Variants in CDH18 observed in about 807,000 individuals in gnomAD.
CDH18 encodes cadherin 18.
A neutral mutation model predicts 67.9 loss-of-function variants in CDH18; 31 were observed. The observed-to-expected ratio is 0.46, with a 90% CI of 0.34 to 0.62. The LOEUF (loss-of-function observed/expected upper bound fraction) is 0.62. CDH18 is among the 20% of genes least tolerant of loss of function. The pLI is 0.01. For synonymous variants in CDH18, 362 were observed against 347.2 expected, an observed-to-expected ratio of 1.04 and a Z score of -0.48; for missense variants, 890 against 975.5, an observed-to-expected ratio of 0.91 and a Z score of 1.17.
chr5:20,289,024 T>G (rs1561942338), intron 1 of CDH18, among the ~76,000 whole-genome samples: 1 of 152,026 alleles, frequency 6.6e-6, no homozygotes, highest in Non-Finnish European at 1.5e-5. Flanking sequence ...TTTGTCATGG[T>G]ACCTGGATCA....
intron 2 of CDH18, among the ~76,000 whole-genome samples, chr5:20,056,464 A>ATTTTTTTTTTTTTTTTTTTT (rs1561753965): frequency 4.5e-5 from 1 of 22,072 alleles, no homozygotes. Context: ...ATTTTTCTTT[A>ATTTTTTTTTTTTTTTTTTTT]TTTTCTTTCT....
chr5:19,932,251 C>T (rs939231602), intron 2 of CDH18, among the ~76,000 whole-genome samples: 1 of 151,766 alleles, frequency 6.6e-6, no homozygotes, highest in Admixed American at 6.6e-5. Flanking sequence ...CAAAGCTTTT[C>T]ACAGAAATGT....
In CDH18 at chr5:20,410,270, A is replaced by C. The variant is rs575362510; in HGVS notation, c.-579-154765T>G. Among the ~76,000 whole-genome samples the C allele has an allele frequency of 1.4e-4, 21 of 151,990 alleles. No homozygotes were observed. The East Asian group carries it at 3.9e-3, about 28-fold the overall frequency. On this transcript the variant is annotated intron_variant, in intron 1 of 14. Coordinates refer to the CDH18 transcript ENST00000507958. ...TAGCAAACTGAAACAATAGCACATT[A>C]AAATGTCTCCATACCATGATTAAAT...
chr5:19,768,890 CAT>C (rs1344995878), intron 3 of CDH18, among the ~76,000 whole-genome samples: 1 of 151,822 alleles, frequency 6.6e-6, no homozygotes, highest in Non-Finnish European at 1.5e-5. Flanking sequence ...ACACAACTAA[CAT>C]ATCTGAAAAA....
chr5:19,621,296 C>T (rs1299441532), intron 5 of CDH18, among the ~76,000 whole-genome samples: 1 of 145,240 alleles, frequency 6.9e-6, no homozygotes, highest in Admixed American at 7.0e-5. Flanking sequence ...GTGTTGAATT[C>T]CTATGCCGTT....
intron 2 of CDH18, among the ~76,000 whole-genome samples, chr5:19,893,473 AT>A (rs1459624433): frequency 6.6e-6 from 1 of 152,140 alleles, no homozygotes; most frequent in Non-Finnish European, 1.5e-5. Flanking sequence ...ACCAAATTGT[AT>A]TTTCAGGACC....
intron 1 of CDH18, among the ~76,000 whole-genome samples, chr5:20,382,316 TGAG>T (rs1343183458): frequency 3.3e-5 from 5 of 152,156 alleles, no homozygotes; most frequent in Non-Finnish European, 7.4e-5. Flanking sequence ...TTGGAAAAGA[TGAG>T]GAGATCATGG....
At chr5:20,242,387 G>A (rs191640852) in intron 2 of CDH18, among the ~76,000 whole-genome samples, 66 of 151,006 alleles carry the variant, frequency 4.4e-4, no homozygotes, top group Admixed American at 5.3e-4. Context: ...CCTTCAGCCC[G>A]CAGCCTCTGG....
At chr5:19,599,871 A>G (rs1746793128) in intron 6 of CDH18, among the ~76,000 whole-genome samples, 1 of 152,134 alleles carries the variant, frequency 6.6e-6, no homozygotes, top group Admixed American at 6.5e-5. Context: ...TGGGCGACAG[A>G]GCGAGACTGT....
At chr5:19,611,642 T>C (rs1289511110) in intron 6 of CDH18, among the ~76,000 whole-genome samples, 1 of 152,204 alleles carries the variant, frequency 6.6e-6, no homozygotes, top group Non-Finnish European at 1.5e-5. Context: ...TTATGACAGT[T>C]TTTAGACATC....
At chr5:19,578,960 G>T (rs1041961802) in intron 7 of CDH18, among the ~76,000 whole-genome samples, 11 of 151,804 alleles carry the variant, frequency 7.2e-5, no homozygotes, top group African/African-American at 2.7e-4. Flanking sequence ...TTAACTTTGA[G>T]TCCTTTAATG....
chr5:19,932,105 C>A (rs373446159), intron 2 of CDH18, among the ~76,000 whole-genome samples: 18 of 151,774 alleles, frequency 1.2e-4, no homozygotes, highest in African/African-American at 4.3e-4. Context: ...CACCACTTTC[C>A]AAACCAATGA....
At chr5:20,243,180 G>A (rs1743121147) in intron 2 of CDH18, among the ~76,000 whole-genome samples, 1 of 152,086 alleles carries the variant, frequency 6.6e-6, no homozygotes, top group East Asian at 1.9e-4. Flanking sequence ...AGAATTTGAA[G>A]CTGCCTGGAG....
intron 2 of CDH18, among the ~76,000 whole-genome samples, chr5:20,047,006 CA>C (rs1016874108): frequency 2.7e-5 from 4 of 150,126 alleles, no homozygotes; most frequent in African/African-American, 2.4e-5. Context: ...AAGTATAATA[CA>C]AAAAAAACAA....
chr5:19,708,196 C>T (rs1021262059), intron 5 of CDH18, among the ~76,000 whole-genome samples: 4 of 152,144 alleles, frequency 2.6e-5, no homozygotes, highest in Non-Finnish European at 5.9e-5. Flanking sequence ...ATTAAAAGAA[C>T]AAATATTTAA....
intron 1 of CDH18, among the ~76,000 whole-genome samples, chr5:20,354,290 T>A (rs186868234): frequency 9.2e-5 from 14 of 152,356 alleles, no homozygotes; most frequent in African/African-American, 3.4e-4. Flanking sequence ...GGAATCCTCC[T>A]TACTTGAAAC....
chr5:19,568,573 A>C (rs1740831617), intron 8 of CDH18, among the ~76,000 whole-genome samples: 2 of 152,114 alleles, frequency 1.3e-5, no homozygotes, highest in African/African-American at 4.8e-5. Context: ...CAAACTGACT[A>C]AAGGAGAAAA....
intron 1 of CDH18, among the ~76,000 whole-genome samples, chr5:20,287,124 A>G (rs992387686): frequency 1.3e-5 from 2 of 151,812 alleles, no homozygotes; most frequent in Non-Finnish European, 3.0e-5. Context: ...TTCTATGCCT[A>G]AGTGGATTGA....
intron 2 of CDH18, among the ~76,000 whole-genome samples, chr5:20,232,064 A>C (rs940786986): frequency 6.6e-6 from 1 of 152,152 alleles, no homozygotes; most frequent in Non-Finnish European, 1.5e-5. Flanking sequence ...CTTTAAGAGA[A>C]AAGAGCAAAA....
Sources: allele counts gnomAD v4.1 joint callset (sites outside exome capture counted in the v4.1 genomes callset), GRCh38; gene constraint gnomAD v4.1.1; transcripts MANE v1.5; gene names NCBI Gene and HGNC (gene_info 2026-07-23, HGNC 2026-07-21).